Variants in CCDC146 observed in about 807,000 individuals in gnomAD.
The protein encoded by CCDC146 is coiled-coil domain-containing protein 146.
In CCDC146, 92 loss-of-function variants were observed where a neutral mutation model predicts 119.3. The ratio of observed to expected loss-of-function variants is 0.77; its 90% CI spans 0.65 to 0.92. CCDC146 has a LOEUF of 0.92. Among genes scored for constraint, CCDC146 ranks in the 40% least tolerant of loss-of-function variants. CCDC146 has a pLI of 0.00. For synonymous variants in CCDC146, 372 were observed against 371.8 expected, an observed-to-expected ratio of 1.00 and a Z score of -0.01; for missense variants, 1,000 against 1,103.0, an observed-to-expected ratio of 0.91 and a Z score of 1.32.
At chr7:77,273,136 C>G (rs1394929511) in intron 9 of CCDC146, among the ~76,000 whole-genome samples, 5 of 152,170 alleles carry the variant, frequency 3.3e-5, no homozygotes, top group Non-Finnish European at 7.3e-5. Context: ...TGGGTTTACA[C>G]CTGCACCATT....
At chr7:77,217,994 A>G (rs1341306666) in intron 2 of CCDC146, among the ~76,000 whole-genome samples, 1 of 152,332 alleles carries the variant, frequency 6.6e-6, no homozygotes, top group South Asian at 2.1e-4. Context: ...CTAGGACATT[A>G]CTGTACTGTG....
At chr7:77,276,282 T>G (rs2150538033) in intron 11 of CCDC146, among the ~76,000 whole-genome samples, 1 of 152,158 alleles carries the variant, frequency 6.6e-6, no homozygotes, top group East Asian at 1.9e-4. Context: ...ACATCCCTTG[T>G]TCTCAGTCTA....
At chr7:77,148,461 C>G (rs1481905143) in intron 1 of CCDC146, among the ~76,000 whole-genome samples, 3 of 152,102 alleles carry the variant, frequency 2.0e-5, no homozygotes, top group Non-Finnish European at 4.4e-5. Flanking sequence ...AACCCAGTAC[C>G]TCAGTTGGAA....
At chr7:77,211,316 G>C (rs1792177800) in intron 2 of CCDC146, among the ~76,000 whole-genome samples, 1 of 152,064 alleles carries the variant, frequency 6.6e-6, no homozygotes, top group East Asian at 1.9e-4. Flanking sequence ...GATGTAAATA[G>C]AATCATACAA....
At chr7:77,204,758 C>T (rs1156765509) in intron 2 of CCDC146, among the ~76,000 whole-genome samples, 1 of 152,136 alleles carries the variant, frequency 6.6e-6, no homozygotes, top group Non-Finnish European at 1.5e-5. Flanking sequence ...CATGAAGGAT[C>T]CAAAAGGTTA....
intron 1 of CCDC146, among the ~76,000 whole-genome samples, chr7:77,130,623 G>C (rs936888410): frequency 6.9e-6 from 1 of 144,720 alleles, no homozygotes; most frequent in African/African-American, 2.6e-5. Context: ...TTTTGAGACG[G>C]AGTTTCGCTC....
In CCDC146 at chr7:77,241,805, G is replaced by T; in HGVS notation, c.354G>T (p.Thr118=). Residue 118 remains threonine, a synonymous_variant, in exon 4 of 19, where the codon ACG becomes ACT. Coordinates refer to ENST00000285871, the MANE Select transcript of CCDC146 (RefSeq NM_020879.3). ...QADNFPEAFS[T]EVSKMREQLL... The stretch of plus-strand genomic sequence containing the variant: ...ATAATTTTCCAGAAGCATTCTCCAC[G>T]GAGGTCTCCAAAATGAGAGAACAAC... The T allele has an allele frequency of 6.2e-7, 1 of 1,613,984 alleles. No individual in the cohort carries two copies.
chr7:77,229,753 A>G (rs953355589), intron 2 of CCDC146, among the ~76,000 whole-genome samples: 1 of 152,196 alleles, frequency 6.6e-6, no homozygotes, highest in South Asian at 2.1e-4. Flanking sequence ...TGATTTTACA[A>G]TTGTATCTCT....
chr7:77,295,081 G>T lies in CCDC146; in HGVS notation c.*215G>T. 1 of 507,104 alleles carries T rather than the reference G, an allele frequency of 2.0e-6. No individual in the cohort carries two copies. The allele number at this position is 507,104 out of a possible 1,614,324, so 31.4% of individuals were successfully genotyped here. A position where few individuals can be genotyped will look rare whatever the true frequency, so the allele number is the denominator to read the frequency against. On this transcript the variant is annotated 3_prime_UTR_variant, in exon 19 of 19. Coordinates refer to ENST00000285871, the MANE Select transcript of CCDC146 (RefSeq NM_020879.3). ...GGACATAGAACTGTCCTACATTTATGTCAAAGTATATATTTGAATCGCTTA... is the reference window on the plus strand; with the variant it reads ...GGACATAGAACTGTCCTACATTTATTTCAAAGTATATATTTGAATCGCTTA...
At chr7:77,244,271 G>T (rs1792904042) in intron 4 of CCDC146, among the ~76,000 whole-genome samples, 1 of 152,132 alleles carries the variant, frequency 6.6e-6, no homozygotes, top group African/African-American at 2.4e-5. Flanking sequence ...ATTTTGTAAA[G>T]TAAAAAAGTT....
intron 6 of CCDC146, among the ~76,000 whole-genome samples, chr7:77,258,447 C>T (rs1793222702): frequency 6.6e-6 from 1 of 152,184 alleles, no homozygotes; most frequent in Admixed American, 6.5e-5. Flanking sequence ...AGACACCACG[C>T]TTCAAGTACC....
intron 1 of CCDC146, among the ~76,000 whole-genome samples, chr7:77,166,573 G>A (rs1324779236): frequency 7.3e-5 from 11 of 151,204 alleles, no homozygotes; most frequent in African/African-American, 2.7e-4. Context: ...GATCAATCAA[G>A]ATATTACATT....
intron 14 of CCDC146, 35 bp from the exon 15 acceptor site, chr7:77,282,522 G>A: frequency 6.8e-7 from 1 of 1,465,864 alleles, no homozygotes; most frequent in Non-Finnish European, 9.3e-7. Context: ...TGGTCTCAAT[G>A]CCCACTTAGC....
At chr7:77,241,144 G>T (rs10236973) in intron 3 of CCDC146, among the ~76,000 whole-genome samples, 2 of 149,274 alleles carry the variant, frequency 1.3e-5, no homozygotes, top group Non-Finnish European at 3.0e-5. Context: ...TGCAAGCTCC[G>T]CCTCCTGGGT....
intron 1 of CCDC146, among the ~76,000 whole-genome samples, chr7:77,131,087 C>T (rs370086587): frequency 1.3e-5 from 2 of 151,934 alleles, no homozygotes; most frequent in Non-Finnish European, 2.9e-5. Flanking sequence ...TTCACCATGT[C>T]GGCCAGGCTG....
At chr7:77,257,028 C>T (rs944183257) in intron 6 of CCDC146, among the ~76,000 whole-genome samples, 1 of 152,068 alleles carries the variant, frequency 6.6e-6, no homozygotes, top group Non-Finnish European at 1.5e-5. Flanking sequence ...ATTGCTTGAA[C>T]CCGGGAGGTG....
intron 2 of CCDC146, among the ~76,000 whole-genome samples, chr7:77,229,780 AT>A (rs1792586548): frequency 2.0e-5 from 3 of 151,994 alleles, no homozygotes; most frequent in Admixed American, 6.5e-5. Context: ...CAGAAAATTG[AT>A]TTCTAATGTA....
intron 9 of CCDC146, among the ~76,000 whole-genome samples, chr7:77,265,519 T>C (rs78167291): frequency 0.093 from 14,077 of 151,824 alleles, 1,211 homozygotes; most frequent in East Asian, 0.42. Flanking sequence ...TCAAGAAGGG[T>C]TATACATTGG....
chr7:77,177,746 C>G (rs779971009), intron 2 of CCDC146, among the ~76,000 whole-genome samples: 12 of 152,148 alleles, frequency 7.9e-5, no homozygotes, highest in Non-Finnish European at 1.5e-4. Context: ...GACTAAGTTT[C>G]TTTTATAAAC....
Sources: gnomAD v4.1 joint callset for allele counts (sites outside exome capture counted in the v4.1 genomes callset) on GRCh38, gnomAD v4.1.1 for gene constraint, MANE v1.5 for transcripts, NCBI Gene and HGNC (gene_info 2026-07-23, HGNC 2026-07-21) for gene names.